Variants in NELL1 observed in about 807,000 individuals in gnomAD.
NELL1 encodes neural EGFL like 1, also known as protein kinase C-binding protein NELL1.
A neutral mutation model predicts 107.4 loss-of-function variants in NELL1; 76 were observed. That is an observed-to-expected ratio of 0.71 (90% CI 0.59 to 0.86). NELL1 has a LOEUF of 0.86. Ranked by LOEUF, NELL1 falls within the 40% of genes least tolerant of loss-of-function variation. The pLI is 0.00. For missense variants in NELL1, 1,024 were observed against 1,005.5 expected, an observed-to-expected ratio of 1.02 and a Z score of -0.25; for synonymous variants, 353 against 341.2, an observed-to-expected ratio of 1.03 and a Z score of -0.38.
At chr11:21,424,101 G>C (rs1296359005) in intron 15 of NELL1, among the ~76,000 whole-genome samples, 1 of 151,776 alleles carries the variant, frequency 6.6e-6, no homozygotes, top group African/African-American at 2.4e-5. Context: ...GCTAGCAAAA[G>C]GATGAAAATA....
At chr11:20,902,676 CTTTTT>C (rs200445278) in intron 5 of NELL1, among the ~76,000 whole-genome samples, 1 of 148,036 alleles carries the variant, frequency 6.8e-6, no homozygotes, top group Non-Finnish European at 1.5e-5. Context: ...CATCACAGGA[CTTTTT>C]TTTTTGTTTT....
chr11:21,551,557 C>T (rs1337489596), intron 16 of NELL1, among the ~76,000 whole-genome samples: 2 of 151,516 alleles, frequency 1.3e-5, no homozygotes, highest in Non-Finnish European at 3.0e-5. Context: ...CACTGGCCAT[C>T]AGAGAAATGC....
At chr11:20,873,490 A>AAT (rs1272831478) in intron 4 of NELL1, among the ~76,000 whole-genome samples, 10 of 152,244 alleles carry the variant, frequency 6.6e-5, no homozygotes, top group African/African-American at 2.4e-4. Flanking sequence ...TAAAAACATT[A>AAT]ATAATGTTCT....
chr11:20,940,192 CCT>C (rs376167005), intron 10 of NELL1, among the ~76,000 whole-genome samples: 69 of 148,534 alleles, frequency 4.6e-4, no homozygotes, highest in Admixed American at 5.4e-4. Flanking sequence ...TCCCTCCGTC[CCT>C]CTCTCTCTCT....
At chr11:20,752,490 G>A (rs112269059) in intron 2 of NELL1, among the ~76,000 whole-genome samples, 5,254 of 152,168 alleles carry the variant, frequency 0.035, 295 homozygotes, top group African/African-American at 0.12. Context: ...TGGAGGTTGC[G>A]GTGAGCCAGG....
At chr11:20,699,711 T>G (rs1397850128) in intron 2 of NELL1, among the ~76,000 whole-genome samples, 1 of 152,218 alleles carries the variant, frequency 6.6e-6, no homozygotes, top group Non-Finnish European at 1.5e-5. Context: ...TGGCTCCATA[T>G]TTTTGCAATT....
At chr11:21,083,694 T>C (rs1279294683) in intron 12 of NELL1, among the ~76,000 whole-genome samples, 1 of 152,222 alleles carries the variant, frequency 6.6e-6, no homozygotes, top group Admixed American at 6.5e-5. Flanking sequence ...TATATGTCCC[T>C]GTCAGCTTAT....
intron 14 of NELL1, among the ~76,000 whole-genome samples, chr11:21,308,734 A>G (rs1410860873): frequency 6.6e-6 from 1 of 151,964 alleles, no homozygotes; most frequent in African/African-American, 2.4e-5. Flanking sequence ...GTGGGAAACC[A>G]TTTCCTTATT....
intron 13 of NELL1, among the ~76,000 whole-genome samples, chr11:21,184,835 A>G (rs1856898676): frequency 6.6e-6 from 1 of 151,902 alleles, no homozygotes; most frequent in African/African-American, 2.4e-5. Context: ...GTTTGAAGCC[A>G]TCAAATAGTG....
At chr11:21,516,012 G>A (rs191473945) in intron 15 of NELL1, among the ~76,000 whole-genome samples, 1 of 152,200 alleles carries the variant, frequency 6.6e-6, no homozygotes, top group African/African-American at 2.4e-5. Context: ...TCCCACAGCA[G>A]ACTGTGAGAT....
chr11:20,816,203 T>G (rs1472344983), intron 3 of NELL1, among the ~76,000 whole-genome samples: 2 of 152,226 alleles, frequency 1.3e-5, no homozygotes, highest in African/African-American at 2.4e-5. Context: ...ATTGGTCGTT[T>G]GTTAGGAATA....
At position 20,934,614 on chromosome 11, in the gene NELL1, G is replaced by T. The variant is rs570712961; in HGVS notation, c.998-3172G>T. Reference sequence around the variant, plus strand: ...GTGGGAGTGGCAAGGGGCAAAGGAAGAAAAAATGTCTATTTCTTCGCTTCA... The same window carrying T: ...GTGGGAGTGGCAAGGGGCAAAGGAATAAAAAATGTCTATTTCTTCGCTTCA... On this transcript the variant is annotated intron_variant, in intron 9 of 19. Coordinates refer to ENST00000357134, the MANE Select transcript of NELL1 (RefSeq NM_006157.5). Among the ~76,000 whole-genome samples the T allele has an allele frequency of 2.0e-5, 3 of 152,286 alleles. No individual in the cohort carries two copies. The East Asian group carries it at 5.8e-4, about 29-fold the overall frequency.
intron 16 of NELL1, among the ~76,000 whole-genome samples, chr11:21,540,625 T>A (rs996991166): frequency 1.3e-5 from 2 of 151,666 alleles, no homozygotes; most frequent in Admixed American, 1.3e-4. Context: ...GAACCAGACA[T>A]GTCCTACATG....
chr11:21,263,344 A>AT lies in NELL1; in HGVS notation c.1549+33892dup, dbSNP rs1848569704. Among the ~76,000 whole-genome samples, 5 of 152,104 alleles carry AT rather than the reference A, an allele frequency of 3.3e-5. No homozygotes were observed. The South Asian group carries it at 1.0e-3, about 31-fold the overall frequency. On this transcript the variant is annotated intron_variant, in intron 14 of 19. Transcript: ENST00000357134. ...TGGAGATGTGATTGTTAATGATTAA[A>AT]TTCAATGTGGGGTAACGGCGAGCCA...
At chr11:20,737,081 T>C (rs1181423421) in intron 2 of NELL1, among the ~76,000 whole-genome samples, 4 of 152,026 alleles carry the variant, frequency 2.6e-5, no homozygotes, top group Non-Finnish European at 5.9e-5. Flanking sequence ...ACCTCTCCTC[T>C]CCAGTCCTGT....
rs575750643 is a variant in NELL1, at chr11:20,862,434, C to G, written c.506+14681C>G. Among the ~76,000 whole-genome samples, 12 of 152,232 alleles carry G rather than the reference C, an allele frequency of 7.9e-5. No individual in the cohort carries two copies. The South Asian group carries it at 2.5e-3, about 32-fold the overall frequency. On this transcript the variant is annotated intron_variant, in intron 4 of 19. Transcript: ENST00000357134. ...GCACAAGAGTGGTACTTTGTTACAACTGATGAATCTACTATGACACATTAT... is the reference window on the plus strand; with the variant it reads ...GCACAAGAGTGGTACTTTGTTACAAGTGATGAATCTACTATGACACATTAT...
chr11:20,712,343 C>T (rs1306746426), intron 2 of NELL1, among the ~76,000 whole-genome samples: 1 of 152,008 alleles, frequency 6.6e-6, no homozygotes, highest in East Asian at 1.9e-4. Flanking sequence ...GATAATTTTT[C>T]ATCCATAGCC....
chr11:21,421,134 A>C (rs1186181517), intron 15 of NELL1, among the ~76,000 whole-genome samples: 1 of 152,210 alleles, frequency 6.6e-6, no homozygotes, highest in African/African-American at 2.4e-5. Context: ...AAGCATTCAA[A>C]AAATACAGAA....
rs144450428 is a variant in NELL1 at position 21,267,946 on chromosome 11, C to A, written c.1549+38492C>A. ...TCCTTCACTTTCAGTAAATGTGTGT[C>A]ATTATAGGTGAAGTGAGTTTCTCAT... On this transcript the variant is annotated intron_variant, in intron 14 of 19. Transcript: ENST00000357134. Among the ~76,000 whole-genome samples, 322 of 152,066 alleles carry A rather than the reference C, an allele frequency of 2.1e-3. 1 individual carries two copies. The highest frequency in any genetic ancestry group is 7.5e-3 in the African/African-American group (311 of 41,514).
Sources: gnomAD v4.1 joint callset for allele counts (sites outside exome capture counted in the v4.1 genomes callset) on GRCh38, gnomAD v4.1.1 for gene constraint, MANE v1.5 for transcripts, NCBI Gene and HGNC (gene_info 2026-07-23, HGNC 2026-07-21) for gene names.